The following EVA1C variants were observed in gnomAD, a reference collection of about 807,000 sequenced individuals.
EVA1C encodes the protein protein eva-1 homolog C.
In EVA1C, 25 loss-of-function variants were observed where a neutral mutation model predicts 45.4. The observed-to-expected ratio is 0.55, with a 90% CI of 0.40 to 0.77. The LOEUF (loss-of-function observed/expected upper bound fraction) is 0.77. Ranked by LOEUF, EVA1C falls within the 30% of genes least tolerant of loss-of-function variation. The pLI, the probability that EVA1C is intolerant of heterozygous loss-of-function variation, is 0.00. For missense variants in EVA1C, 479 were observed against 554.8 expected (o/e 0.86, Z 1.37); for synonymous variants, 190 against 221.2 (o/e 0.86, Z 1.25).
chr21:32,457,844 G>T, intron 3 of EVA1C, 124 bp downstream of exon 3: 1 of 1,069,068 alleles, frequency 9.4e-7, no homozygotes, highest in South Asian at 1.5e-5. Flanking sequence ...AGACACATTG[G>T]GCTCCATCCT....
rs764005736 is a variant in EVA1C, at chr21:32,467,794, A to G, written c.580A>G (p.Arg194Gly). ...CATCTACTCTGCGACCTACGGCAGG[A>G]GGACCCAGGAAAGGGACATCTGCTC... ...LNIYSATYGR[R>G]TQERDICSSK... The change falls in exon 4 of 8, where the codon AGG becomes GGG. Residue 194 changes from arginine to glycine, a missense_variant. Physicochemically the swap from Arg to Gly is moderately radical, Grantham distance 125. This residue lies in a region of EVA1C where 366 missense variants were observed against 426.1 expected (regional missense o/e 0.86). Transcript: ENST00000300255. The G allele has an allele frequency of 6.8e-6, 11 of 1,613,188 alleles. No homozygotes were observed. Among genetic ancestry groups the G allele is most frequent in the African/African-American group, 1.3e-5 (1 of 74,968 alleles).
intron 1 of EVA1C, among the ~76,000 whole-genome samples, chr21:32,426,618 A>G (rs1424272211): frequency 6.6e-6 from 1 of 152,102 alleles, no homozygotes; most frequent in African/African-American, 2.4e-5. Flanking sequence ...TACACTTATC[A>G]AGATACGCTG....
intron 7 of EVA1C, among the ~76,000 whole-genome samples, chr21:32,507,062 AAGG>A (rs1372798689): frequency 6.6e-6 from 1 of 152,202 alleles, no homozygotes; most frequent in East Asian, 1.9e-4. Context: ...ACATGGGGAC[AAGG>A]AGAAGAGAAA....
At chr21:32,478,844 A>G (rs1489909207) in intron 4 of EVA1C, among the ~76,000 whole-genome samples, 1 of 152,230 alleles carries the variant, frequency 6.6e-6, no homozygotes, top group African/African-American at 2.4e-5. Context: ...CCTTAATAAG[A>G]AGATGAGAAA....
rs547144106 is a variant in EVA1C, at chr21:32,464,897, G to A, written c.482-2799G>A. 6.6e-5 allele frequency among the ~76,000 whole-genome samples: 10 copies of A among 152,282 alleles called. No homozygotes were observed. In the South Asian group the frequency reaches 2.1e-3, roughly 32 times the overall value. On this transcript the variant is annotated intron_variant, in intron 3 of 7. Transcript: ENST00000300255. Reference sequence around the variant, plus strand: ...TTTAAGTTTGGAGCTTAGCATCACTGACACCAGGATAAGAAGATCCAGCCA... The same window carrying A: ...TTTAAGTTTGGAGCTTAGCATCACTAACACCAGGATAAGAAGATCCAGCCA...
At chr21:32,430,364 C>G (rs1215657382) in intron 1 of EVA1C, among the ~76,000 whole-genome samples, 1 of 152,118 alleles carries the variant, frequency 6.6e-6, no homozygotes, top group Non-Finnish European at 1.5e-5. Context: ...CCAGCAATAC[C>G]AGAAGTTGGC....
intron 4 of EVA1C, among the ~76,000 whole-genome samples, chr21:32,492,901 G>A (rs551828507): frequency 9.9e-5 from 15 of 151,976 alleles, no homozygotes; most frequent in African/African-American, 2.7e-4. Context: ...TGCAGGCCCC[G>A]CTCTTCTCTA....
intron 4 of EVA1C, among the ~76,000 whole-genome samples, chr21:32,492,707 T>TTG (rs2037205654): frequency 1.9e-5 from 2 of 105,604 alleles, no homozygotes; most frequent in Non-Finnish European, 3.9e-5. Context: ...CAGTTTTCTT[T>TTG]TGTTTTTTTT....
intron 1 of EVA1C, among the ~76,000 whole-genome samples, chr21:32,436,526 C>T (rs975543033): frequency 6.6e-6 from 1 of 152,304 alleles, no homozygotes; most frequent in African/African-American, 2.4e-5. Flanking sequence ...TTGGCTACTA[C>T]AGGGAATCAG....
chr21:32,466,782 G>C (rs1246622626), intron 3 of EVA1C, among the ~76,000 whole-genome samples: 1 of 151,374 alleles, frequency 6.6e-6, no homozygotes. Context: ...CCCTTTCCTA[G>C]GAAAGGAAAT....
At position 32,425,334 on chromosome 21, in the gene EVA1C, C is replaced by CAA. The variant is rs60224656; in HGVS notation, c.160+12341_160+12342dup. On this transcript the variant is annotated intron_variant, in intron 1 of 7. Transcript: ENST00000300255. ...TGGGAGACAGAGTAAGACTCCATCT[C>CAA]AAAAAAAAAAAAAAAAAAAAAGAGT... Among the ~76,000 whole-genome samples the CAA allele has an allele frequency of 1.4e-3, 79 of 57,626 alleles. 3 individuals carry two copies. Among genetic ancestry groups the CAA allele is most frequent in the African/African-American group, 2.8e-3 (45 of 16,200 alleles). The allele number at this position is 57,626 out of a possible 152,430, so 37.8% of individuals were successfully genotyped here.
chr21:32,501,326 T>C, intron 5 of EVA1C, 89 bp from the exon 6 acceptor site: 1 of 1,156,898 alleles, frequency 8.6e-7, no homozygotes, highest in Non-Finnish European at 1.2e-6. Context: ...GATTTTAAAA[T>C]CTTATCTACA....
chr21:32,494,912 C>T (rs2037292802), intron 4 of EVA1C, 115 bp from the exon 5 acceptor site: 2 of 1,111,626 alleles, frequency 1.8e-6, no homozygotes, highest in African/African-American at 3.1e-5. Flanking sequence ...AGCAGAGAAA[C>T]TCTCCATTTG....
intron 1 of EVA1C, chr21:32,428,735 T>A (rs2034583118): frequency 6.6e-6 from 1 of 152,236 alleles, no homozygotes. Context: ...GAGCTTTACT[T>A]TAAAGAATGT....
intron 1 of EVA1C, among the ~76,000 whole-genome samples, chr21:32,422,234 A>G (rs1449803644): frequency 3.3e-5 from 5 of 152,200 alleles, no homozygotes; most frequent in Admixed American, 6.5e-5. Context: ...CAGATTAGGT[A>G]TAGCTGAAGA....
At chr21:32,465,590 C>T (rs557165650) in intron 3 of EVA1C, among the ~76,000 whole-genome samples, 27 of 152,196 alleles carry the variant, frequency 1.8e-4, no homozygotes, top group South Asian at 8.3e-4. Flanking sequence ...AATAAATGAC[C>T]GTGGTCCCCT....
At chr21:32,438,597 A>G (rs1385492443) in intron 1 of EVA1C, among the ~76,000 whole-genome samples, 3 of 151,942 alleles carry the variant, frequency 2.0e-5, no homozygotes, top group Non-Finnish European at 2.9e-5. Flanking sequence ...TGCTGGGACC[A>G]TGTGTAGTAG....
intron 4 of EVA1C, among the ~76,000 whole-genome samples, chr21:32,468,784 A>C (rs1048003623): frequency 6.6e-6 from 1 of 152,174 alleles, no homozygotes; most frequent in African/African-American, 2.4e-5. Flanking sequence ...TTCCCAGCCC[A>C]CTGACTCAAA....
intron 1 of EVA1C, among the ~76,000 whole-genome samples, chr21:32,429,542 CAG>C (rs1232300472): frequency 1.2e-4 from 18 of 151,462 alleles, no homozygotes; most frequent in African/African-American, 4.4e-4. Flanking sequence ...TTAGTAGAGA[CAG>C]GGTTTCACCA....
Sources: gnomAD v4.1 joint callset for allele counts (sites outside exome capture counted in the v4.1 genomes callset) on GRCh38, gnomAD v4.1.1 for gene constraint, gnomAD v4.1.1 regional missense constraint, MANE v1.5 for transcripts, NCBI Gene and HGNC (gene_info 2026-07-23, HGNC 2026-07-21) for gene names.